The following HNRNPA2B1 variants were observed in gnomAD, a reference collection of about 807,000 sequenced individuals.
HNRNPA2B1 encodes the protein heterogeneous nuclear ribonucleoprotein A2/B1.
A neutral mutation model predicts 46.3 loss-of-function variants in HNRNPA2B1; 3 were observed. That is an observed-to-expected ratio of 0.06 (90% CI 0.03 to 0.17). The LOEUF is 0.17. Among genes scored for constraint, HNRNPA2B1 ranks in the 10% least tolerant of loss-of-function variants. The pLI, the probability that HNRNPA2B1 is intolerant of heterozygous loss-of-function variation, is 1.00. For synonymous variants in HNRNPA2B1, 225 were observed against 133.8 expected, an observed-to-expected ratio of 1.68 and a Z score of -4.70; for missense variants, 221 against 418.9, an observed-to-expected ratio of 0.53 and a Z score of 4.12.
Position 26,200,626 on chromosome 7 carries a change from G to C in HNRNPA2B1, c.-49C>G. The C allele has an allele frequency of 6.2e-7, 1 of 1,612,960 alleles. No homozygotes were observed. Among genetic ancestry groups the C allele is most frequent in the South Asian group, 1.1e-5 (1 of 91,078 alleles). ...GATTTCCCGCAGCCGAGCGAGATGA[G>C]AGAGATCTCCGCGGACGAACACGAA... On this transcript the variant is annotated 5_prime_UTR_variant, in exon 1 of 11. Coordinates refer to ENST00000618183, the MANE Select transcript of HNRNPA2B1 (RefSeq NM_002137.4).
At position 26,197,740 on chromosome 7, in the gene HNRNPA2B1, G is replaced by C. The variant is rs760997086; in HGVS notation, c.7-8C>G. ...GAACTGTTCCTTTTCTCTCTGCAAA[G>C]GAAAATACCATTTCAATTTTTATTT... On this transcript the variant is annotated splice_polypyrimidine_tract_variant and splice_region_variant and intron_variant, in intron 1 of 10. Coordinates refer to ENST00000618183, the MANE Select transcript of HNRNPA2B1 (RefSeq NM_002137.4). 2 of 1,605,480 alleles carry C rather than the reference G, an allele frequency of 1.2e-6. No homozygotes were observed. Among genetic ancestry groups the C allele is most frequent in the Non-Finnish European group, 1.7e-6 (2 of 1,175,204 alleles).
rs1562695406 is a variant in HNRNPA2B1 at position 26,191,824 on chromosome 7, A to G, written c.*536T>C. 1 of 152,646 alleles carries G rather than the reference A, an allele frequency of 6.6e-6. No individual in the cohort carries two copies. The highest frequency in any genetic ancestry group is 1.5e-5 in the Non-Finnish European group (1 of 68,032). The allele number at this position is 152,646 out of a possible 1,614,324, so 9.5% of individuals were successfully genotyped here. Reference sequence around the variant, plus strand: ...CCCACTCCTTAACTTATTTAAAATAAAAAGTCTATAATTACACAATTTCCT... The same window carrying G: ...CCCACTCCTTAACTTATTTAAAATAGAAAGTCTATAATTACACAATTTCCT... On this transcript the variant is annotated 3_prime_UTR_variant, in exon 11 of 11. Coordinates refer to ENST00000618183, the MANE Select transcript of HNRNPA2B1 (RefSeq NM_002137.4).
chr7:26,194,354 C>T (rs778153157), intron 7 of HNRNPA2B1, among the ~76,000 whole-genome samples: 5 of 152,012 alleles, frequency 3.3e-5, no homozygotes, highest in Non-Finnish European at 7.4e-5. Context: ...TGAGATCACA[C>T]CACTGCACTC....
chr7:26,191,357 T>C lies in HNRNPA2B1; in HGVS notation c.*1003A>G, dbSNP rs146782223. 6.6e-6 allele frequency: 1 copy of C among 152,240 alleles called. No homozygotes were observed. The highest frequency in any genetic ancestry group is 1.9e-4 in the East Asian group (1 of 5,190). The allele number at this position is 152,240 out of a possible 1,614,324, so 9.4% of individuals were successfully genotyped here. A position where few individuals can be genotyped will look rare whatever the true frequency, so the allele number is the denominator to read the frequency against. ...TAAGAACCACTATACTGAAAGACCA[T>C]TTAAGAGTATTAGTTTATCTTTTAG... On this transcript the variant is annotated 3_prime_UTR_variant, in exon 11 of 11. Transcript: ENST00000618183.
intron 1 of HNRNPA2B1, chr7:26,199,873 A>T (rs981817229): frequency 6.6e-6 from 1 of 150,422 alleles, no homozygotes; most frequent in African/African-American, 2.5e-5. Flanking sequence ...AACCCGGAGC[A>T]CCCCCCCTCC....
At chr7:26,194,206 CT>C (rs1311686478) in intron 7 of HNRNPA2B1, among the ~76,000 whole-genome samples, 1 of 152,074 alleles carries the variant, frequency 6.6e-6, no homozygotes, top group African/African-American at 2.4e-5. Flanking sequence ...ACCACCCTGG[CT>C]AACACGGTGA....
At chr7:26,196,770 C>A (rs1257845970) in intron 4 of HNRNPA2B1, 37 bp downstream of exon 4, 2 of 1,590,818 alleles carry the variant, frequency 1.3e-6, no homozygotes, top group Non-Finnish European at 1.7e-6. Context: ...ATTGAATACA[C>A]TGGAAAAAAA....
chr7:26,200,711 G>C lies in HNRNPA2B1; in HGVS notation c.-134C>G. The C allele has an allele frequency of 3.6e-6, 4 of 1,125,676 alleles. No homozygotes were observed. Among genetic ancestry groups the C allele is most frequent in the South Asian group, 1.2e-5 (1 of 81,156 alleles). 69.7% of individuals were successfully genotyped at this position (1,125,676 alleles called of 1,614,324 possible). ...GCTGCTCGAGAAACAACTCTGCGAG[G>C]AGCACCTCCGCACGGGACCCGGCGC... On this transcript the variant is annotated 5_prime_UTR_variant, in exon 1 of 11. Transcript: ENST00000618183.
Position 26,196,424 on chromosome 7 carries a change from C to G in HNRNPA2B1, c.635G>C (p.Gly212Ala), listed in dbSNP as rs765284268. Reference protein sequence around the residue: ...GGGGNFGPGPGSNFRGGSDGY... With the variant: ...GGGGNFGPGPASNFRGGSDGY... ...ACCAGATCCTCCTCTAAAGTTACTT[C>G]CTGGTCCTGGTCCGAAATTTCCACC... The change falls in exon 6 of 11, where the codon GGA (glycine) becomes GCA (alanine). Residue 212 changes from glycine (G) to alanine (A), a missense_variant. Physicochemically the swap from Gly to Ala is moderately conservative, Grantham distance 60. Around this residue, in one of 2 missense-constraint regions of HNRNPA2B1, gnomAD observed 143 missense variants for 200.5 expected, o/e 0.71. Coordinates refer to ENST00000618183, the MANE Select transcript of HNRNPA2B1 (RefSeq NM_002137.4). 7 of 1,614,038 alleles carry G rather than the reference C, an allele frequency of 4.3e-6. No individual in the cohort carries two copies. The highest frequency in any genetic ancestry group is 5.1e-6 in the Non-Finnish European group (6 of 1,179,896).
Position 26,195,765 on chromosome 7 carries a change from A to G in HNRNPA2B1, c.721+82T>C. On this transcript the variant is annotated intron_variant, in intron 7 of 10. Coordinates refer to ENST00000618183, the MANE Select transcript of HNRNPA2B1 (RefSeq NM_002137.4). ...AGACACTAATATAAAATGTTTAAAA[A>G]CTCAAAATATAAATGAAGTAAATAT... The G allele has an allele frequency of 3.4e-6, 5 of 1,468,756 alleles. No homozygotes were observed. In the South Asian group the frequency reaches 5.1e-5, roughly 15 times the overall value. 91.0% of individuals were successfully genotyped at this position (1,468,756 alleles called of 1,614,324 possible). A position where few individuals can be genotyped will look rare whatever the true frequency, so the allele number is the denominator to read the frequency against.
Position 26,196,808 on chromosome 7 carries a change from T to A in HNRNPA2B1, c.474A>T (p.Val158=). The A allele has an allele frequency of 1.2e-6, 2 of 1,612,904 alleles. No individual in the cohort carries two copies. The highest frequency in any genetic ancestry group is 8.5e-7 in the Non-Finnish European group (1 of 1,179,222). Residue 158 remains valine, a splice_region_variant and synonymous_variant, in exon 4 of 11, where the codon GTA becomes GTT. Transcript: ENST00000618183. ...GTACATTTGTGGTTAGACACTTACA[T>A]ACGATTTTATCCACAGGATCATGGT... is the stretch of plus-strand genomic sequence containing the variant. ...FDDHDPVDKI[V]LQKYHTINGH... is the part of the protein sequence containing the mutation.
chr7:26,200,598 C>G lies in HNRNPA2B1; in HGVS notation c.-21G>C, dbSNP rs754842375. On this transcript the variant is annotated 5_prime_UTR_variant, in exon 1 of 11. Coordinates refer to ENST00000618183, the MANE Select transcript of HNRNPA2B1 (RefSeq NM_002137.4). ...TCCATCGCGGACTCAGTCGCTTCAG[C>G]CCGATTTCCCGCAGCCGAGCGAGAT... 1 of 1,613,478 alleles carries G rather than the reference C, an allele frequency of 6.2e-7. No individual in the cohort carries two copies. The highest frequency in any genetic ancestry group is 1.3e-5 in the African/African-American group (1 of 74,938).
intron 1 of HNRNPA2B1, 36 bp downstream of exon 1, chr7:26,200,536 C>T: frequency 1.2e-6 from 2 of 1,610,954 alleles, no homozygotes; most frequent in Non-Finnish European, 1.7e-6. Context: ...CCTCGCCATG[C>T]CCTTTTCAAT....
intron 7 of HNRNPA2B1, among the ~76,000 whole-genome samples, chr7:26,195,426 C>T (rs919473123): frequency 4.6e-5 from 7 of 152,180 alleles, no homozygotes; most frequent in African/African-American, 1.7e-4. Flanking sequence ...GGAACATTTC[C>T]GTAGGTTACG....
intron 7 of HNRNPA2B1, among the ~76,000 whole-genome samples, chr7:26,194,170 A>G (rs7806787): frequency 0.24 from 35,851 of 151,930 alleles, 6,566 homozygotes; most frequent in East Asian, 0.53. Context: ...GCCGAGGCGG[A>G]CGGATCACGA....
rs747957883 is a variant in HNRNPA2B1 at position 26,196,811 on chromosome 7, G to T, written c.471C>A (p.Ile157=). ...TFDDHDPVDK[I]VLQKYHTING... ...CATTTGTGGTTAGACACTTACATAC[G>T]ATTTTATCCACAGGATCATGGTCAT... The change falls in exon 4 of 11, where the codon ATC becomes ATA. Residue 157 remains isoleucine (I), a synonymous_variant. Transcript: ENST00000618183. 6.2e-7 allele frequency: 1 copy of T among 1,612,854 alleles called. No individual in the cohort carries two copies. Among genetic ancestry groups the T allele is most frequent in the Non-Finnish European group, 8.5e-7 (1 of 1,179,282 alleles).
intron 1 of HNRNPA2B1, chr7:26,198,082 G>A (rs915774203): frequency 7.8e-6 from 3 of 383,248 alleles, no homozygotes; most frequent in Admixed American, 4.4e-5. Context: ...GATTATCAAA[G>A]GATTATTAAA....
chr7:26,198,018 AATT>A (rs915813040), intron 1 of HNRNPA2B1: 31 of 415,482 alleles, frequency 7.5e-5, no homozygotes, highest in South Asian at 2.5e-4. Flanking sequence ...AATTATCTTA[AATT>A]ATTAATTAAA....
At chr7:26,193,534 A>T (rs1783148002) in intron 8 of HNRNPA2B1, 41 bp downstream of exon 8, 1 of 1,567,218 alleles carries the variant, frequency 6.4e-7, no homozygotes, top group African/African-American at 1.4e-5. Context: ...AAAGACATTA[A>T]TTCCAAATTC....
Sources: gnomAD v4.1 joint callset for allele counts (sites outside exome capture counted in the v4.1 genomes callset) on GRCh38, gnomAD v4.1.1 for gene constraint, gnomAD v4.1.1 regional missense constraint, MANE v1.5 for transcripts, NCBI Gene and HGNC (gene_info 2026-07-23, HGNC 2026-07-21) for gene names.